The following SLC22A16 variants were observed in gnomAD, a reference collection of about 807,000 sequenced individuals.
The protein encoded by SLC22A16 is solute carrier family 22 member 16.
A neutral mutation model predicts 52.9 loss-of-function variants in SLC22A16; 53 were observed. The observed-to-expected ratio is 1.00, with a 90% CI of 0.80 to 1.26. The LOEUF is 1.26. Among genes scored for constraint, SLC22A16 ranks in the 50% most tolerant of loss-of-function variants. SLC22A16 has a pLI of 0.00. For synonymous variants in SLC22A16, 291 were observed against 268.8 expected (o/e 1.08, Z -0.81); for missense variants, 726 against 704.0 (o/e 1.03, Z -0.35).
At chr6:110,448,707 C>T (rs1276230752) in intron 2 of SLC22A16, among the ~76,000 whole-genome samples, 1 of 152,198 alleles carries the variant, frequency 6.6e-6, no homozygotes, top group Non-Finnish European at 1.5e-5. Flanking sequence ...ACTTCTCTCT[C>T]TGTAGATGAA....
rs1239539519 is a variant in SLC22A16, at chr6:110,461,997, T to C, written c.54-4980A>G. Among the ~76,000 whole-genome samples the C allele has an allele frequency of 2.0e-5, 3 of 152,286 alleles. No individual in the cohort carries two copies. In the East Asian group the frequency reaches 5.8e-4, roughly 29 times the overall value. On this transcript the variant is annotated intron_variant, in intron 1 of 7. Transcript: ENST00000368919. ...CAAGGCTGGGGAGGCCTCACAATCA[T>C]GGCAGAAGGCAAGGAGGAGCAAGTC... is the stretch of plus-strand genomic sequence containing the variant.
Position 110,442,105 on chromosome 6 carries a change from G to T in SLC22A16, c.1183+139C>A, listed in dbSNP as rs983074136. Reference sequence around the variant, plus strand: ...ACACTAAGAGATATCATAATAATATGGTTGGCAGTATTGTTCCTGGTTTTA... The same window carrying T: ...ACACTAAGAGATATCATAATAATATTGTTGGCAGTATTGTTCCTGGTTTTA... On this transcript the variant is annotated intron_variant, in intron 4 of 7. Coordinates refer to ENST00000368919, the MANE Select transcript of SLC22A16 (RefSeq NM_033125.4). 3 of 741,196 alleles carry T rather than the reference G, an allele frequency of 4.0e-6. No homozygotes were observed. The African/African-American group carries it at 5.3e-5, about 13-fold the overall frequency. 45.9% of individuals were successfully genotyped at this position (741,196 alleles called of 1,614,324 possible).
chr6:110,425,553 G>GGAAT (rs1774227493), intron 7 of SLC22A16, among the ~76,000 whole-genome samples: 1 of 152,144 alleles, frequency 6.6e-6, no homozygotes, highest in Admixed American at 6.6e-5. Flanking sequence ...TAAATGATAG[G>GGAAT]GAATGAATGA....
In SLC22A16 at chr6:110,456,730, T is replaced by TA; in HGVS notation, c.340dup (p.Tyr114LeufsTer2). 1 of 1,614,190 alleles carries TA rather than the reference T, an allele frequency of 6.2e-7. No homozygotes were observed. The highest frequency in any genetic ancestry group is 1.1e-5 in the South Asian group (1 of 91,086). ...CTCTTTCTTACTGCCAGTGTATTCA[T>TA]AGCCCAAACTCGATGTGTTCTCCCT... On this transcript the variant is annotated frameshift_variant, in exon 2 of 8. Transcript: ENST00000368919. LOFTEE classifies it high-confidence loss of function.
intron 1 of SLC22A16, among the ~76,000 whole-genome samples, chr6:110,460,797 T>C (rs752339320): frequency 2.0e-5 from 3 of 152,090 alleles, no homozygotes; most frequent in African/African-American, 4.8e-5. Flanking sequence ...TTGGCAACCA[T>C]GGGGGACCAG....
chr6:110,476,224 G>GGGGC, intron 1 of SLC22A16: 1 of 325,470 alleles, frequency 3.1e-6, no homozygotes, highest in Non-Finnish European at 5.1e-6. Context: ...CCAGCCAGAT[G>GGGGC]CCTCCAGCAT....
chr6:110,438,953 C>G (rs1298711839), intron 4 of SLC22A16, 106 bp from the exon 5 acceptor site: 3 of 1,366,088 alleles, frequency 2.2e-6, no homozygotes, highest in Non-Finnish European at 3.0e-6. Context: ...CCTCTCCTCA[C>G]TTCTGGGGCC....
rs1582506792 is a variant in SLC22A16 at position 110,424,730 on chromosome 6, T to C, written c.*143A>G. 4.2e-6 allele frequency: 4 copies of C among 941,294 alleles called. No homozygotes were observed. The highest frequency in any genetic ancestry group is 2.7e-5 in the East Asian group (1 of 36,440). 58.3% of individuals were successfully genotyped at this position (941,294 alleles called of 1,614,324 possible). A position where few individuals can be genotyped will look rare whatever the true frequency, so the allele number is the denominator to read the frequency against. The stretch of plus-strand genomic sequence containing the variant: ...TTCATCTTAGTTTTTATTTCTTTTA[T>C]AACATATTTGCTTTAAAATTTTCTT... On this transcript the variant is annotated 3_prime_UTR_variant, in exon 8 of 8. Coordinates refer to ENST00000368919, the MANE Select transcript of SLC22A16 (RefSeq NM_033125.4).
At chr6:110,431,360 C>A in intron 6 of SLC22A16, 90 bp from the exon 7 acceptor site, 1 of 1,122,104 alleles carries the variant, frequency 8.9e-7, no homozygotes, top group East Asian at 2.4e-5. Context: ...TTCCCACGCT[C>A]CCCAGCAAGG....
intron 6 of SLC22A16, among the ~76,000 whole-genome samples, chr6:110,434,011 A>G (rs540832337): frequency 6.6e-6 from 1 of 152,198 alleles, no homozygotes; most frequent in African/African-American, 2.4e-5. Context: ...GAGGCCAAGG[A>G]GGGTGGATCA....
At chr6:110,468,953 G>T (rs556265464) in intron 1 of SLC22A16, among the ~76,000 whole-genome samples, 1 of 152,136 alleles carries the variant, frequency 6.6e-6, no homozygotes, top group African/African-American at 2.4e-5. Context: ...TAGCATGGCT[G>T]GTGGGTCACC....
chr6:110,453,807 A>C (rs1775475937), intron 2 of SLC22A16: 6 of 424,578 alleles, frequency 1.4e-5, no homozygotes, highest in Non-Finnish European at 2.8e-5. Context: ...TTTAGCTCAT[A>C]GTTCTGCAGG....
chr6:110,451,196 T>A (rs1032026962), intron 2 of SLC22A16, among the ~76,000 whole-genome samples: 2 of 152,238 alleles, frequency 1.3e-5, no homozygotes, highest in Non-Finnish European at 2.9e-5. Context: ...TTTTAATACA[T>A]GTGTCCATGA....
At chr6:110,448,363 A>C (rs1775255266) in intron 2 of SLC22A16, among the ~76,000 whole-genome samples, 1 of 152,052 alleles carries the variant, frequency 6.6e-6, no homozygotes, top group African/African-American at 2.4e-5. Context: ...TTTAATATTG[A>C]GTTGTAAGAG....
At chr6:110,468,340 A>G (rs866360764) in intron 1 of SLC22A16, among the ~76,000 whole-genome samples, 1 of 152,178 alleles carries the variant, frequency 6.6e-6, no homozygotes, top group African/African-American at 2.4e-5. Flanking sequence ...TGTCCCTGCC[A>G]GTAGTAAAAT....
In SLC22A16 at chr6:110,456,803, A is replaced by C. The variant is rs1775676090; in HGVS notation, c.268T>G (p.Leu90Val). 6.2e-7 allele frequency: 1 copy of C among 1,614,066 alleles called. No homozygotes were observed. The highest frequency in any genetic ancestry group is 1.7e-5 in the Admixed American group (1 of 59,998). Residue 90 changes from leucine (L) to valine (V), a missense_variant, in exon 2 of 8, where the codon TTG becomes GTG. By Grantham distance (32) the Leu-to-Val change is conservative. Coordinates refer to ENST00000368919, the MANE Select transcript of SLC22A16 (RefSeq NM_033125.4). ...SGQKDYVTVQ[L>V]QNGEIWELSR... is the part of the protein sequence containing the mutation. ...AGCTCCCAGATCTCACCATTCTGCA[A>C]CTGCACCGTAACATAATCTTTCTGG...
intron 4 of SLC22A16, 93 bp from the exon 5 acceptor site, chr6:110,438,940 A>T: frequency 6.7e-7 from 1 of 1,495,862 alleles, no homozygotes; most frequent in South Asian, 1.3e-5. Context: ...AGGCATGAGC[A>T]GCCCTCTCCT....
chr6:110,430,302 T>A (rs977410639), intron 7 of SLC22A16, among the ~76,000 whole-genome samples: 1 of 152,006 alleles, frequency 6.6e-6, no homozygotes, highest in Non-Finnish European at 1.5e-5. Flanking sequence ...CACTGGCCAG[T>A]TCTACTTGGG....
At chr6:110,446,062 G>A (rs1443314521) in intron 3 of SLC22A16, among the ~76,000 whole-genome samples, 1 of 152,066 alleles carries the variant, frequency 6.6e-6, no homozygotes, top group Non-Finnish European at 1.5e-5. Flanking sequence ...GGGGTGCAGA[G>A]AGATTGAAGC....
Sources: gnomAD v4.1 joint callset for allele counts (sites outside exome capture counted in the v4.1 genomes callset) on GRCh38, gnomAD v4.1.1 for gene constraint, MANE v1.5 for transcripts, NCBI Gene and HGNC (gene_info 2026-07-23, HGNC 2026-07-21) for gene names.